The following LOXHD1 variants were observed in gnomAD, a reference collection of about 807,000 sequenced individuals.
The protein encoded by LOXHD1 is lipoxygenase homology domain-containing protein 1.
In LOXHD1, 205 loss-of-function variants were observed where a neutral mutation model predicts 248.2. The observed-to-expected ratio is 0.83, with a 90% CI of 0.74 to 0.93. LOXHD1 has a LOEUF of 0.93. LOXHD1 is among the 40% of genes least tolerant of loss of function. The pLI is 0.00. For synonymous variants in LOXHD1, 1,113 were observed against 1,162.8 expected (o/e 0.96, Z 0.87); for missense variants, 2,930 against 2,971.6 (o/e 0.99, Z 0.33).
intron 4 of LOXHD1, among the ~76,000 whole-genome samples, chr18:46,629,627 T>C (rs894084671): frequency 2.6e-5 from 4 of 151,840 alleles, no homozygotes; most frequent in Non-Finnish European, 4.4e-5. Context: ...TGATAATCAT[T>C]GTGTGGCACT....
intron 28 of LOXHD1, among the ~76,000 whole-genome samples, chr18:46,531,095 C>T (rs2144241482): frequency 6.6e-6 from 1 of 152,210 alleles, no homozygotes; most frequent in East Asian, 1.9e-4. Context: ...TCTCCCCAAC[C>T]ATCTTCCTTG....
intron 6 of LOXHD1, among the ~76,000 whole-genome samples, chr18:46,609,666 T>A (rs1315314703): frequency 2.0e-5 from 3 of 152,202 alleles, no homozygotes; most frequent in African/African-American, 4.8e-5. Flanking sequence ...CTCAGCCTGG[T>A]GTGAATTTTT....
chr18:46,608,866 C>T (rs2038462184), intron 6 of LOXHD1, among the ~76,000 whole-genome samples: 1 of 152,196 alleles, frequency 6.6e-6, no homozygotes, highest in African/African-American at 2.4e-5. Flanking sequence ...ATTATGAAAA[C>T]AGGTATGGCC....
At chr18:46,517,758 C>T (rs1401502412) in intron 34 of LOXHD1, among the ~76,000 whole-genome samples, 1 of 152,022 alleles carries the variant, frequency 6.6e-6, no homozygotes, top group Admixed American at 6.5e-5. Context: ...GCTTCTGTGC[C>T]CCCTTCACCT....
chr18:46,496,511 C>A (rs61197058), intron 37 of LOXHD1, among the ~76,000 whole-genome samples: 4 of 151,996 alleles, frequency 2.6e-5, no homozygotes, highest in Non-Finnish European at 5.9e-5. Flanking sequence ...CATAAGGTAT[C>A]TTGAAAAAAA....
intron 34 of LOXHD1, among the ~76,000 whole-genome samples, chr18:46,511,508 T>C (rs551321565): frequency 2.0e-4 from 31 of 152,326 alleles, no homozygotes; most frequent in Admixed American, 2.0e-3. Context: ...TTCCTTCTGT[T>C]CCTGCCTGCT....
chr18:46,544,939 G>A, intron 23 of LOXHD1: 1 of 477,888 alleles, frequency 2.1e-6, no homozygotes, highest in Non-Finnish European at 4.3e-6. Flanking sequence ...TGAGCAGATG[G>A]CTGGACCCAA....
chr18:46,483,753 A>C lies in LOXHD1; in HGVS notation c.6183-8T>G, dbSNP rs964319605. 5 of 1,538,660 alleles carry C rather than the reference A, an allele frequency of 3.2e-6. No homozygotes were observed. The African/African-American group carries it at 5.5e-5, about 17-fold the overall frequency. On this transcript the variant is annotated splice_polypyrimidine_tract_variant and splice_region_variant and intron_variant, in intron 39 of 40. Coordinates refer to ENST00000642948, the MANE Select transcript of LOXHD1 (RefSeq NM_001384474.1). ...AACGTGTCTGTGGTCCCCCTGCAGG[A>C]AACAAAAGTGTGGTCCATGAGCTGC... is the stretch of plus-strand genomic sequence containing the variant.
chr18:46,576,201 T>A (rs541088453), intron 14 of LOXHD1, among the ~76,000 whole-genome samples: 1 of 152,188 alleles, frequency 6.6e-6, no homozygotes, highest in Non-Finnish European at 1.5e-5. Context: ...GGTATAAATA[T>A]ATTTTGAGTA....
chr18:46,549,015 C>T (rs557066541), intron 21 of LOXHD1, among the ~76,000 whole-genome samples: 13 of 152,292 alleles, frequency 8.5e-5, no homozygotes, highest in East Asian at 3.9e-4. Flanking sequence ...ATGGCCTGAG[C>T]GCTGGGCGTT....
intron 37 of LOXHD1, among the ~76,000 whole-genome samples, chr18:46,496,587 G>A (rs994471845): frequency 6.6e-6 from 1 of 152,186 alleles, no homozygotes; most frequent in African/African-American, 2.4e-5. Context: ...ATCTTAGCTT[G>A]TATTAACATT....
intron 33 of LOXHD1, chr18:46,518,959 C>G (rs892779561): frequency 2.0e-6 from 2 of 985,384 alleles, no homozygotes; most frequent in Admixed American, 6.1e-5. Context: ...TGGGGTTTTG[C>G]CATTTAGCCT....
intron 12 of LOXHD1, among the ~76,000 whole-genome samples, chr18:46,582,180 T>C (rs2037976854): frequency 6.6e-6 from 1 of 152,160 alleles, no homozygotes; most frequent in Non-Finnish European, 1.5e-5. Context: ...TCTTCTCATA[T>C]CTCATATTAC....
intron 6 of LOXHD1, among the ~76,000 whole-genome samples, chr18:46,606,054 G>T (rs573619624): frequency 6.6e-6 from 1 of 152,214 alleles, no homozygotes; most frequent in Non-Finnish European, 1.5e-5. Flanking sequence ...AAGAATATAA[G>T]CAGATTTAGT....
chr18:46,526,236 T>A (rs4427899), intron 29 of LOXHD1, among the ~76,000 whole-genome samples: 39,830 of 152,146 alleles, frequency 0.26, 6,510 homozygotes, highest in Non-Finnish European at 0.37. Context: ...ATTTTTACAG[T>A]GGAAAATTGG....
In LOXHD1 at chr18:46,560,064, C is replaced by G. The variant is rs548571202; in HGVS notation, c.3061+19G>C. 448 of 1,449,784 alleles carry G rather than the reference C, an allele frequency of 3.1e-4. 1 individual carries two copies. Among genetic ancestry groups the G allele is most frequent in the Non-Finnish European group, 4.0e-4 (433 of 1,078,384 alleles). 89.8% of individuals were successfully genotyped at this position (1,449,784 alleles called of 1,614,324 possible). On this transcript the variant is annotated intron_variant, in intron 19 of 40. Coordinates refer to ENST00000642948, the MANE Select transcript of LOXHD1 (RefSeq NM_001384474.1). ...TCTGGCCACTCCCTCCCCACCCCCA[C>G]CCCCCACGACCCACTTACGCTCAGG...
At chr18:46,485,254 G>A in intron 38 of LOXHD1, 103 bp from the exon 39 acceptor site, 1 of 1,387,550 alleles carries the variant, frequency 7.2e-7, no homozygotes, top group Middle Eastern at 2.1e-4. Context: ...TTTGATCTTA[G>A]GCTGCAGCCT....
rs2035554940 is a variant in LOXHD1, at chr18:46,521,103, C to T, written c.5265G>A (p.Gly1755=). 2 of 1,551,666 alleles carry T rather than the reference C, an allele frequency of 1.3e-6. No individual in the cohort carries two copies. Among genetic ancestry groups the T allele is most frequent in the South Asian group, 1.2e-5 (1 of 84,054 alleles). The change falls in exon 33 of 41, where the codon GGG becomes GGA. Residue 1755 remains glycine, a synonymous_variant. Transcript: ENST00000642948. ...CTCACAGTGCCCCCCCTACCTTCAC[C>T]CCAATGTTCACCACCATGGCATCCA... is the stretch of plus-strand genomic sequence containing the variant. ...DLLDAMVVNI[G]VKVLYEMTVW...
At chr18:46,605,022 G>A (rs766343302) in intron 6 of LOXHD1, among the ~76,000 whole-genome samples, 5 of 152,078 alleles carry the variant, frequency 3.3e-5, no homozygotes, top group African/African-American at 4.8e-5. Context: ...TTAAAAATTC[G>A]ATCACTTTAG....
Sources: allele counts gnomAD v4.1 joint callset (sites outside exome capture counted in the v4.1 genomes callset), GRCh38; gene constraint gnomAD v4.1.1; transcripts MANE v1.5; gene names NCBI Gene and HGNC (gene_info 2026-07-23, HGNC 2026-07-21).